The following CSMD3 variants were observed in gnomAD, a reference collection of about 807,000 sequenced individuals.
CSMD3 encodes CUB and Sushi multiple domains 3, also known as CUB and sushi domain-containing protein 3.
In CSMD3, 177 loss-of-function variants were observed where a neutral mutation model predicts 435.2. The ratio of observed to expected loss-of-function variants is 0.41; its 90% CI spans 0.36 to 0.46. CSMD3 has a LOEUF of 0.46. Among genes scored for constraint, CSMD3 ranks in the 20% least tolerant of loss-of-function variants. CSMD3 has a pLI of 0.34. For missense variants in CSMD3, 4,265 were observed against 4,504.6 expected (o/e 0.95, Z 1.52); for synonymous variants, 1,656 against 1,520.5 (o/e 1.09, Z -2.07).
At chr8:112,942,177 T>G (rs903995265) in intron 9 of CSMD3, among the ~76,000 whole-genome samples, 1 of 150,372 alleles carries the variant, frequency 6.7e-6, no homozygotes, top group Non-Finnish European at 1.5e-5. Flanking sequence ...TTTTCCAGAA[T>G]GTCTTATAGT....
At chr8:112,943,667 T>A (rs1434915118) in intron 9 of CSMD3, among the ~76,000 whole-genome samples, 1 of 151,762 alleles carries the variant, frequency 6.6e-6, no homozygotes, top group Non-Finnish European at 1.5e-5. Flanking sequence ...TTCCATTTTT[T>A]ATTCTTCTGG....
intron 59 of CSMD3, among the ~76,000 whole-genome samples, chr8:112,275,150 T>C (rs897540056): frequency 6.7e-6 from 1 of 149,906 alleles, no homozygotes; most frequent in Non-Finnish European, 1.5e-5. Context: ...TTTCCCAAGT[T>C]CCCAACCACT....
intron 2 of CSMD3, among the ~76,000 whole-genome samples, chr8:113,298,720 G>A (rs992282378): frequency 6.6e-6 from 1 of 152,108 alleles, no homozygotes; most frequent in Non-Finnish European, 1.5e-5. Context: ...CTAGTTACAT[G>A]TTTGGTAAAA....
chr8:113,244,063 C>T (rs1367941372), intron 3 of CSMD3, among the ~76,000 whole-genome samples: 2 of 152,098 alleles, frequency 1.3e-5, no homozygotes, highest in Non-Finnish European at 2.9e-5. Flanking sequence ...TATGTATCTT[C>T]TCCAATACAC....
intron 50 of CSMD3, among the ~76,000 whole-genome samples, chr8:112,308,838 TAAG>T (rs1821688524): frequency 6.6e-6 from 1 of 151,978 alleles, no homozygotes; most frequent in Non-Finnish European, 1.5e-5. Context: ...TCAGGATGTA[TAAG>T]AAGACCTAAG....
intron 13 of CSMD3, among the ~76,000 whole-genome samples, chr8:112,731,667 C>T (rs2132015597): frequency 6.6e-6 from 1 of 151,754 alleles, no homozygotes. Context: ...TTGCATTTGC[C>T]ACAGTGTATT....
intron 7 of CSMD3, among the ~76,000 whole-genome samples, chr8:112,968,998 AT>A (rs935542776): frequency 1.3e-5 from 2 of 152,012 alleles, no homozygotes; most frequent in African/African-American, 4.8e-5. Flanking sequence ...ACTTGAAAAC[AT>A]TTAAAATATA....
At chr8:112,979,538 AT>A (rs1352306927) in intron 6 of CSMD3, among the ~76,000 whole-genome samples, 1 of 151,542 alleles carries the variant, frequency 6.6e-6, no homozygotes, top group Non-Finnish European at 1.5e-5. Flanking sequence ...GTAATTGCCA[AT>A]GCTGGAAAAA....
At chr8:112,331,525 G>T (rs982939647) in intron 45 of CSMD3, among the ~76,000 whole-genome samples, 1 of 151,028 alleles carries the variant, frequency 6.6e-6, no homozygotes, top group Non-Finnish European at 1.5e-5. Flanking sequence ...TGGCTGCCTG[G>T]ATCTTATAAA....
chr8:113,195,355 TAC>T (rs2092639410), intron 3 of CSMD3, among the ~76,000 whole-genome samples: 1 of 150,788 alleles, frequency 6.6e-6, no homozygotes, highest in African/African-American at 2.4e-5. Flanking sequence ...CCCTTGGTAT[TAC>T]AAGTCAGAAA....
intron 5 of CSMD3, among the ~76,000 whole-genome samples, chr8:113,093,576 T>C (rs965940317): frequency 6.6e-6 from 1 of 151,998 alleles, no homozygotes; most frequent in African/African-American, 2.4e-5. Flanking sequence ...TTAATAGTAA[T>C]CGATTAGGGA....
At chr8:113,358,545 G>T (rs555367224) in intron 1 of CSMD3, among the ~76,000 whole-genome samples, 1 of 152,100 alleles carries the variant, frequency 6.6e-6, no homozygotes, top group Admixed American at 6.6e-5. Context: ...TACAGACCAG[G>T]TTTCACCATA....
At chr8:113,063,144 G>A (rs1334858514) in intron 5 of CSMD3, among the ~76,000 whole-genome samples, 2 of 150,540 alleles carry the variant, frequency 1.3e-5, no homozygotes, top group African/African-American at 2.4e-5. Flanking sequence ...TCATTTTACT[G>A]GTAAAGCATC....
intron 45 of CSMD3, among the ~76,000 whole-genome samples, chr8:112,334,771 A>C (rs1824405203): frequency 6.6e-6 from 1 of 152,182 alleles, no homozygotes. Flanking sequence ...GATCCTATAC[A>C]ATGAAATCAA....
At chr8:112,355,556 G>A (rs142317000) in intron 38 of CSMD3, among the ~76,000 whole-genome samples, 2,544 of 152,258 alleles carry the variant, frequency 0.017, 30 homozygotes, top group Middle Eastern at 0.048. Context: ...GGGCAAGGCC[G>A]TGCGTGGTGG....
At chr8:112,857,541 T>C (rs1481979060) in intron 11 of CSMD3, among the ~76,000 whole-genome samples, 2 of 151,792 alleles carry the variant, frequency 1.3e-5, no homozygotes, top group Non-Finnish European at 3.0e-5. Flanking sequence ...TTCCATACTT[T>C]ATAATGAATT....
chr8:112,943,550 G>A (rs2083515577), intron 9 of CSMD3, among the ~76,000 whole-genome samples: 1 of 151,474 alleles, frequency 6.6e-6, no homozygotes, highest in Admixed American at 6.6e-5. Flanking sequence ...GAGATAAAAA[G>A]GGCCCAAGAA....
At chr8:112,261,017 C>T (rs1331048336) in intron 61 of CSMD3, among the ~76,000 whole-genome samples, 1 of 152,060 alleles carries the variant, frequency 6.6e-6, no homozygotes, top group East Asian at 1.9e-4. Context: ...GTTATATGAA[C>T]TGCAGTCTAG....
chr8:112,436,003 G>C (rs574349992), intron 32 of CSMD3, among the ~76,000 whole-genome samples: 1 of 151,920 alleles, frequency 6.6e-6, no homozygotes, highest in Admixed American at 6.6e-5. Context: ...AAATACCAGA[G>C]GATAAAGATA....
Sources: gnomAD v4.1 joint callset for allele counts (sites outside exome capture counted in the v4.1 genomes callset) on GRCh38, gnomAD v4.1.1 for gene constraint, MANE v1.5 for transcripts, NCBI Gene and HGNC (gene_info 2026-07-23, HGNC 2026-07-21) for gene names.